Variants in FHL5 observed in about 807,000 individuals in gnomAD.
The protein encoded by FHL5 is four and a half LIM domains protein 5.
FHL5 carries 33 observed loss-of-function variants against 32.0 expected under a neutral mutation model. The observed-to-expected ratio is 1.03, with a 90% CI of 0.78 to 1.38. The LOEUF is 1.38. Ranked by LOEUF, FHL5 falls within the 40% of genes most tolerant of loss-of-function variation. The probability of loss-of-function intolerance (pLI) is 0.00; values close to 1 mark genes in which losing one functional copy is unlikely to be tolerated. For synonymous variants in FHL5, 114 were observed against 113.6 expected (o/e 1.00, Z -0.02); for missense variants, 336 against 343.9 (o/e 0.98, Z 0.18).
At chr6:96,594,903 G>C (rs949320005) in intron 1 of FHL5, among the ~76,000 whole-genome samples, 2 of 151,706 alleles carry the variant, frequency 1.3e-5, no homozygotes, top group Non-Finnish European at 2.9e-5. Context: ...GCAATACAAG[G>C]ATTAACAATC....
At chr6:96,570,376 C>T (rs1386787774) in intron 1 of FHL5, among the ~76,000 whole-genome samples, 1 of 152,030 alleles carries the variant, frequency 6.6e-6, no homozygotes, top group Non-Finnish European at 1.5e-5. Flanking sequence ...TGTGACTTGA[C>T]AATTTTCTCT....
chr6:96,581,887 A>G (rs979617081), intron 1 of FHL5, among the ~76,000 whole-genome samples: 3 of 152,240 alleles, frequency 2.0e-5, no homozygotes, highest in Non-Finnish European at 4.4e-5. Flanking sequence ...GCTGATTTAT[A>G]TTAGATCTAT....
intron 2 of FHL5, 67 bp downstream of exon 2, chr6:96,603,839 T>C: frequency 7.8e-7 from 1 of 1,279,952 alleles, no homozygotes; most frequent in Non-Finnish European, 1.1e-6. Context: ...GGAGTGCCTC[T>C]TTTCATTTAG....
chr6:96,611,257 AC>A (rs1347115486), intron 5 of FHL5, among the ~76,000 whole-genome samples: 1 of 152,206 alleles, frequency 6.6e-6, no homozygotes, highest in African/African-American at 2.4e-5. Flanking sequence ...AATTAATTAA[AC>A]TTCATTTTAA....
chr6:96,593,330 TGTC>T (rs1341983120), intron 1 of FHL5, among the ~76,000 whole-genome samples: 1 of 152,168 alleles, frequency 6.6e-6, no homozygotes. Context: ...TATATTCCCT[TGTC>T]TTCTTCTGAA....
chr6:96,575,064 G>A (rs559658960), intron 1 of FHL5, among the ~76,000 whole-genome samples: 1 of 152,296 alleles, frequency 6.6e-6, no homozygotes, highest in South Asian at 2.1e-4. Flanking sequence ...TTTTTTAGCT[G>A]AGCCAAGAGA....
intron 1 of FHL5, among the ~76,000 whole-genome samples, chr6:96,583,568 T>G (rs1329330372): frequency 6.6e-6 from 1 of 152,146 alleles, no homozygotes; most frequent in African/African-American, 2.4e-5. Flanking sequence ...AACTGAAGTA[T>G]CTGATCGAAC....
chr6:96,606,089 G>A lies in FHL5; in HGVS notation c.504+18G>A. The A allele has an allele frequency of 6.2e-7, 1 of 1,605,858 alleles. No individual in the cohort carries two copies. Among genetic ancestry groups the A allele is most frequent in the Non-Finnish European group, 8.5e-7 (1 of 1,173,144 alleles). On this transcript the variant is annotated intron_variant, in intron 4 of 5. Transcript: ENST00000450218. The stretch of plus-strand genomic sequence containing the variant: ...GTAAGAAGGTAATTTTCTAAAGAGG[G>A]TGAAGCTTGTGGAAACTCAGACTAT...
intron 1 of FHL5, among the ~76,000 whole-genome samples, chr6:96,578,503 T>G (rs759443602): frequency 5.9e-5 from 9 of 152,142 alleles, no homozygotes; most frequent in Non-Finnish European, 1.2e-4. Context: ...CCTAAATAAG[T>G]CAATCATTGC....
chr6:96,598,733 T>A lies in FHL5; in HGVS notation c.-12-4869T>A, dbSNP rs78180039. Among the ~76,000 whole-genome samples, 215 of 152,360 alleles carry A rather than the reference T, an allele frequency of 1.4e-3. 2 individuals carry two copies. Among genetic ancestry groups the A allele is most frequent in the African/African-American group, 4.8e-3 (201 of 41,586 alleles). Reference sequence around the variant, plus strand: ...GCTCTAAAACTTATAACCTTTCATTTATTCTCATCACTTTCTAACTTTTGT... The same window carrying A: ...GCTCTAAAACTTATAACCTTTCATTAATTCTCATCACTTTCTAACTTTTGT... On this transcript the variant is annotated intron_variant, in intron 1 of 5. Transcript: ENST00000450218.
rs370990963 is a variant in FHL5 at position 96,583,703 on chromosome 6, G to A, written c.-12-19899G>A. 8.1e-4 allele frequency among the ~76,000 whole-genome samples: 124 copies of A among 152,158 alleles called. 1 individual carries two copies. Among genetic ancestry groups the A allele is most frequent in the African/African-American group, 2.9e-3 (120 of 41,534 alleles). ...ATATCTTCCTTGGCTGATATTCAAA[G>A]GGCAATTGAATATCAAAGGCTGCCT... On this transcript the variant is annotated intron_variant, in intron 1 of 5. Coordinates refer to ENST00000450218, the MANE Select transcript of FHL5 (RefSeq NM_001322466.2).
chr6:96,598,951 C>T (rs1483617804), intron 1 of FHL5, among the ~76,000 whole-genome samples: 1 of 152,020 alleles, frequency 6.6e-6, no homozygotes. Flanking sequence ...TTAAAGATAC[C>T]AGGGATGGCA....
At chr6:96,611,114 G>C (rs943208478) in intron 5 of FHL5, among the ~76,000 whole-genome samples, 1 of 152,274 alleles carries the variant, frequency 6.6e-6, no homozygotes, top group African/African-American at 2.4e-5. Context: ...GGGAGGAGAA[G>C]AGTACTAATA....
At chr6:96,566,596 C>A (rs2127957419) in intron 1 of FHL5, among the ~76,000 whole-genome samples, 1 of 151,916 alleles carries the variant, frequency 6.6e-6, no homozygotes, top group Non-Finnish European at 1.5e-5. Context: ...CCATAATGGG[C>A]ATATATATGC....
At chr6:96,565,842 T>C (rs1019440950) in intron 1 of FHL5, among the ~76,000 whole-genome samples, 1 of 152,092 alleles carries the variant, frequency 6.6e-6, no homozygotes, top group Admixed American at 6.6e-5. Flanking sequence ...ATTTTTTTCT[T>C]CTTAAATTTT....
chr6:96,612,316 A>G (rs1220346099), intron 5 of FHL5, among the ~76,000 whole-genome samples: 1 of 152,220 alleles, frequency 6.6e-6, no homozygotes, highest in Non-Finnish European at 1.5e-5. Context: ...TAAAATCTGC[A>G]ATCACAGTCC....
At chr6:96,571,308 G>T (rs1201451614) in intron 1 of FHL5, among the ~76,000 whole-genome samples, 1 of 152,186 alleles carries the variant, frequency 6.6e-6, no homozygotes, top group East Asian at 1.9e-4. Flanking sequence ...TACGCTTAGA[G>T]GTTTGTGGCA....
intron 4 of FHL5, among the ~76,000 whole-genome samples, chr6:96,607,911 G>C (rs2127974145): frequency 6.6e-6 from 1 of 152,240 alleles, no homozygotes; most frequent in South Asian, 2.1e-4. Flanking sequence ...AGGATCACTT[G>C]GGCCCAGAAA....
chr6:96,589,586 CTTCT>C (rs1161983163), intron 1 of FHL5, among the ~76,000 whole-genome samples: 1 of 151,920 alleles, frequency 6.6e-6, no homozygotes, highest in African/African-American at 2.4e-5. Context: ...TTGGATATGA[CTTCT>C]TTGTTAATTA....
Sources: allele counts gnomAD v4.1 joint callset (sites outside exome capture counted in the v4.1 genomes callset), GRCh38; gene constraint gnomAD v4.1.1; transcripts MANE v1.5; gene names NCBI Gene and HGNC (gene_info 2026-07-23, HGNC 2026-07-21).